Variants in TRPM3 observed in about 807,000 individuals in gnomAD.
The protein encoded by TRPM3 is transient receptor potential cation channel subfamily M member 3.
Under a neutral mutation model 181.2 loss-of-function variants are expected in TRPM3, and 77 were observed. That is an observed-to-expected ratio of 0.42 (90% CI 0.35 to 0.51). The LOEUF (loss-of-function observed/expected upper bound fraction) is 0.51, where lower values mean the gene tolerates loss of function less well. Among genes scored for constraint, TRPM3 ranks in the 20% least tolerant of loss-of-function variants. The pLI is 0.01. For synonymous variants in TRPM3, 745 were observed against 796.4 expected, an observed-to-expected ratio of 0.94 and a Z score of 1.09; for missense variants, 1,759 against 2,196.7, an observed-to-expected ratio of 0.80 and a Z score of 3.98.
chr9:71,028,973 T>C (rs1287987723), intron 1 of TRPM3, among the ~76,000 whole-genome samples: 1 of 152,164 alleles, frequency 6.6e-6, no homozygotes, highest in African/African-American at 2.4e-5. Context: ...CAACAGAATA[T>C]ACATTCTTTT....
intron 1 of TRPM3, among the ~76,000 whole-genome samples, chr9:70,991,375 A>G (rs749125036): frequency 2.6e-5 from 4 of 152,170 alleles, no homozygotes; most frequent in Non-Finnish European, 5.9e-5. Flanking sequence ...AGTTGCAGCA[A>G]ATATTCCCAC....
At chr9:70,632,239 C>T (rs368633226) in intron 12 of TRPM3, among the ~76,000 whole-genome samples, 1 of 152,102 alleles carries the variant, frequency 6.6e-6, no homozygotes, top group African/African-American at 2.4e-5. Flanking sequence ...CACTTGAAAC[C>T]ACCTGAAAGT....
intron 1 of TRPM3, among the ~76,000 whole-genome samples, chr9:71,393,879 A>T (rs537284199): frequency 6.6e-6 from 1 of 152,316 alleles, no homozygotes; most frequent in South Asian, 2.1e-4. Context: ...GATTTTTCCC[A>T]TATTTGAAAG....
intron 1 of TRPM3, among the ~76,000 whole-genome samples, chr9:71,183,280 C>G (rs1288908812): frequency 6.6e-6 from 1 of 152,124 alleles, no homozygotes; most frequent in African/African-American, 2.4e-5. Context: ...TCACCACTAC[C>G]TGTTCGTCTC....
chr9:70,864,525 C>CAAAA lies in TRPM3; in HGVS notation c.178-18_178-15dup, dbSNP rs71367234. Reference sequence around the variant, plus strand: ...GGATTTCTGAGCCTGAAAAAGAAAACAAAAAAAAAAAAAAAAGAAAAAAGA... The same window carrying CAAAA: ...GGATTTCTGAGCCTGAAAAAGAAAACAAAAAAAAAAAAAAAAAAAAGAAAAAAGA... On this transcript the variant is annotated splice_polypyrimidine_tract_variant and intron_variant, in intron 1 of 25. Coordinates refer to ENST00000677713, the MANE Select transcript of TRPM3 (RefSeq NM_001366145.2). The CAAAA allele has an allele frequency of 0.093, 81,530 of 873,732 alleles. 2,106 individuals carry two copies. The highest frequency in any genetic ancestry group is 0.13 in the Admixed American group (2,694 of 20,368). The allele number at this position is 873,732 out of a possible 1,614,324, so 54.1% of individuals were successfully genotyped here.
intron 6 of TRPM3, among the ~76,000 whole-genome samples, chr9:70,807,823 G>A (rs1006546880): frequency 6.6e-6 from 1 of 152,128 alleles, no homozygotes; most frequent in Admixed American, 6.5e-5. Flanking sequence ...GTGGGCCCAG[G>A]AGGATACCAG....
chr9:70,783,993 T>C (rs538929155), intron 7 of TRPM3, 112 bp downstream of exon 7: 3 of 1,488,886 alleles, frequency 2.0e-6, no homozygotes, highest in Non-Finnish European at 8.9e-7. Flanking sequence ...AATTTGTTCA[T>C]AGCTTGTTTT....
At chr9:71,436,298 C>CTTTTTTTTTTTTTTTTTTTT (rs71352382) in intron 1 of TRPM3, among the ~76,000 whole-genome samples, 3 of 77,288 alleles carry the variant, frequency 3.9e-5, no homozygotes, top group East Asian at 3.8e-4. Flanking sequence ...TTTTTTCTTT[C>CTTTTTTTTTTTTTTTTTTTT]TTTTTTTTTT....
chr9:70,885,499 G>A (rs1367036246), intron 1 of TRPM3, among the ~76,000 whole-genome samples: 1 of 152,014 alleles, frequency 6.6e-6, no homozygotes, highest in Non-Finnish European at 1.5e-5. Flanking sequence ...TATGTGATTT[G>A]CCCCCAAACC....
At chr9:70,739,350 C>T (rs532775969) in intron 8 of TRPM3, among the ~76,000 whole-genome samples, 1 of 152,232 alleles carries the variant, frequency 6.6e-6, no homozygotes, top group East Asian at 1.9e-4. Context: ...ATGTGATACA[C>T]CACATCAACA....
At chr9:71,415,654 G>A (rs976867193) in intron 1 of TRPM3, among the ~76,000 whole-genome samples, 15 of 151,702 alleles carry the variant, frequency 9.9e-5, no homozygotes, top group East Asian at 7.7e-4. Flanking sequence ...TCCTTAACAC[G>A]GAAAACTGAC....
At chr9:71,403,228 T>C (rs569060641) in intron 1 of TRPM3, among the ~76,000 whole-genome samples, 1 of 152,336 alleles carries the variant, frequency 6.6e-6, no homozygotes, top group South Asian at 2.1e-4. Flanking sequence ...CTTTAAGAAC[T>C]GTCTATGGCT....
chr9:71,332,916 A>G (rs968402131), intron 1 of TRPM3, among the ~76,000 whole-genome samples: 4 of 151,908 alleles, frequency 2.6e-5, no homozygotes, highest in Non-Finnish European at 4.4e-5. Context: ...TCATTGAAAT[A>G]TCCATGTCAA....
chr9:71,345,625 A>G (rs1187177823), intron 1 of TRPM3, among the ~76,000 whole-genome samples: 1 of 152,032 alleles, frequency 6.6e-6, no homozygotes, highest in Non-Finnish European at 1.5e-5. Flanking sequence ...GCATTAGGAG[A>G]AATACCTAAT....
intron 1 of TRPM3, among the ~76,000 whole-genome samples, chr9:71,105,523 T>C (rs1489826306): frequency 2.6e-5 from 4 of 152,098 alleles, no homozygotes; most frequent in Non-Finnish European, 5.9e-5. Context: ...GATTGGCTAT[T>C]CTGAATAATT....
chr9:70,635,451 CT>C (rs1305631837), intron 11 of TRPM3, among the ~76,000 whole-genome samples, 190 bp from the exon 12 acceptor site: 1 of 136,816 alleles, frequency 7.3e-6, no homozygotes, highest in Non-Finnish European at 1.5e-5. Context: ...AGATGAAAAG[CT>C]TTGTCAGTGA....
At chr9:71,255,230 T>A (rs1413878835) in intron 1 of TRPM3, among the ~76,000 whole-genome samples, 1 of 152,222 alleles carries the variant, frequency 6.6e-6, no homozygotes, top group Non-Finnish European at 1.5e-5. Flanking sequence ...TGTTGAAGAT[T>A]TTTAAAAATA....
At chr9:70,909,468 T>C (rs1311222985) in intron 1 of TRPM3, among the ~76,000 whole-genome samples, 2 of 152,108 alleles carry the variant, frequency 1.3e-5, no homozygotes, top group African/African-American at 4.8e-5. Context: ...AAGGAATCCA[T>C]GCTGAAGCCC....
chr9:71,186,817 T>C (rs963852496), intron 1 of TRPM3, among the ~76,000 whole-genome samples: 1 of 152,102 alleles, frequency 6.6e-6, no homozygotes, highest in Non-Finnish European at 1.5e-5. Context: ...GTTGGACTGA[T>C]GCTTTGTACA....
Sources: gnomAD v4.1 joint callset for allele counts (sites outside exome capture counted in the v4.1 genomes callset) on GRCh38, gnomAD v4.1.1 for gene constraint, MANE v1.5 for transcripts, NCBI Gene and HGNC (gene_info 2026-07-23, HGNC 2026-07-21) for gene names.